CTDSP1: variants seen among roughly 807,000 people sequenced by gnomAD.
The protein encoded by CTDSP1 is carboxy-terminal domain RNA polymerase II polypeptide A small phosphatase 1.
CTDSP1 carries 15 observed loss-of-function variants against 32.5 expected under a neutral mutation model. The observed-to-expected ratio is 0.46, with a 90% CI of 0.31 to 0.71. The LOEUF is 0.71. Among genes scored for constraint, CTDSP1 ranks in the 30% least tolerant of loss-of-function variants. The probability of loss-of-function intolerance (pLI) is 0.05; values close to 1 mark genes in which losing one functional copy is unlikely to be tolerated. For synonymous variants in CTDSP1, 185 were observed against 145.4 expected (o/e 1.27, Z -1.96); for missense variants, 294 against 351.1 (o/e 0.84, Z 1.30).
At chr2:218,401,920 T>G (rs1169058103) in intron 2 of CTDSP1, among the ~76,000 whole-genome samples, 191 bp from the exon 3 acceptor site, 1 of 152,156 alleles carries the variant, frequency 6.6e-6, no homozygotes, top group Non-Finnish European at 1.5e-5. Context: ...CTACCTTGGT[T>G]TTTAGAGAGG....
At chr2:218,400,214 G>T in intron 1 of CTDSP1, 57 bp downstream of exon 1, 1 of 1,474,878 alleles carries the variant, frequency 6.8e-7, no homozygotes, top group African/African-American at 1.4e-5. Context: ...GAGAGAAGGG[G>T]CCGGGATCTT....
At chr2:218,398,650 C>G (rs1462155344), upstream of CTDSP1, 1 of 403,518 alleles carries the variant, frequency 2.5e-6, no homozygotes, top group African/African-American at 2.1e-5. Flanking sequence ...CCGCGTCGCA[C>G]CCGGCGGCCG....
At chr2:218,398,113 C>T (rs1022348641), upstream of CTDSP1, 24 of 443,442 alleles carry the variant, frequency 5.4e-5, no homozygotes, top group African/African-American at 3.1e-4. Context: ...CCACTCAGTC[C>T]CTCGCCACAC....
chr2:218,401,226 G>A (rs1697119151), intron 1 of CTDSP1: 3 of 402,988 alleles, frequency 7.4e-6, no homozygotes, highest in Admixed American at 3.7e-5. Context: ...GTAAGGTGGG[G>A]TCAGGAGGCA....
Position 218,401,691 on chromosome 2 carries a change from G to A in CTDSP1, c.195G>A (p.Glu65=). 1.9e-6 allele frequency: 3 copies of A among 1,595,654 alleles called. No individual in the cohort carries two copies. The highest frequency in any genetic ancestry group is 2.6e-6 in the Non-Finnish European group (3 of 1,170,868). Residue 65 remains glutamate, a synonymous_variant, in exon 2 of 7, where the codon GAG becomes GAA. Transcript: ENST00000273062. The part of the protein sequence containing the change: ...PAHSGAPLLV[E]ENGAIPKQTP... Reference sequence around the variant, plus strand: ...ACAGCGGGGCGCCCCTGCTTGTGGAGGAGAATGGCGCCATCCCTAAGGTGC... The same window carrying A: ...ACAGCGGGGCGCCCCTGCTTGTGGAAGAGAATGGCGCCATCCCTAAGGTGC...
intron 6 of CTDSP1, 86 bp downstream of exon 6, chr2:218,403,503 C>A: frequency 1.5e-6 from 2 of 1,304,042 alleles, no homozygotes; most frequent in Non-Finnish European, 2.1e-6. Context: ...CCTCTTGGAT[C>A]CCCAGTTGGG....
Position 218,402,080 on chromosome 2 carries a change from G to A in CTDSP1, c.217-31G>A, listed in dbSNP as rs1454899010. The A allele has an allele frequency of 3.3e-6, 5 of 1,493,548 alleles. No homozygotes were observed. The East Asian group carries it at 1.1e-4, about 34-fold the overall frequency. The allele number at this position is 1,493,548 out of a possible 1,614,324, so 92.5% of individuals were successfully genotyped here. ...GGAGGAAGGACCAGGCCCGGAGAGA[G>A]GCACCCCAGCCAGCCCCGCCCTCCC... is the stretch of plus-strand genomic sequence containing the variant. On this transcript the variant is annotated intron_variant, in intron 2 of 6. Transcript: ENST00000273062.
rs1697033064 is a variant in CTDSP1 at position 218,400,072 on chromosome 2, GCGGAGCGCGCC to G, written c.-15_-5del. ...GCGCCCGGGCCAGAGTCCGGCCGGA[GCGGAGCGCGCC>G]CGGCCCCATGGACAGCTCGGCCGTC... On this transcript the variant is annotated 5_prime_UTR_variant, in exon 1 of 7. Transcript: ENST00000273062. The G allele has an allele frequency of 7.0e-7, 1 of 1,427,118 alleles. No homozygotes were observed. Among genetic ancestry groups the G allele is most frequent in the Non-Finnish European group, 9.2e-7 (1 of 1,089,042 alleles). The allele number at this position is 1,427,118 out of a possible 1,614,324, so 88.4% of individuals were successfully genotyped here.
At chr2:218,402,976 C>A (rs1697228553) in intron 4 of CTDSP1, 59 bp from the exon 5 acceptor site, 1 of 1,328,996 alleles carries the variant, frequency 7.5e-7, no homozygotes, top group Non-Finnish European at 1.1e-6. Flanking sequence ...CCTGCCAGCC[C>A]TCGGCCACCC....
At position 218,404,532 on chromosome 2, in the gene CTDSP1, T is replaced by C. The variant is rs1697315291; in HGVS notation, c.*107T>C. On this transcript the variant is annotated 3_prime_UTR_variant, in exon 7 of 7. Transcript: ENST00000273062. The stretch of plus-strand genomic sequence containing the variant: ...GAAAACCCATGGGCCGCCGCCACAC[T>C]CAGTGCCATGGGGAAGCGGGCGTCT... 7.0e-7 allele frequency: 1 copy of C among 1,420,942 alleles called. No homozygotes were observed. The highest frequency in any genetic ancestry group is 9.6e-7 in the Non-Finnish European group (1 of 1,039,484). The allele number at this position is 1,420,942 out of a possible 1,614,324, so 88.0% of individuals were successfully genotyped here.
intron 1 of CTDSP1, chr2:218,401,007 G>C: frequency 2.3e-6 from 1 of 443,478 alleles, no homozygotes; most frequent in Admixed American, 2.4e-5. Flanking sequence ...CTGTCAATCA[G>C]GCTGCTGGGC....
intron 6 of CTDSP1, 158 bp downstream of exon 6, chr2:218,403,575 A>G: frequency 1.6e-6 from 1 of 623,956 alleles, no homozygotes; most frequent in East Asian, 2.8e-5. Context: ...CACTCCCCTC[A>G]TCCACCTGCC....
At chr2:218,397,069 G>A (rs1282699326), upstream of CTDSP1, among the ~76,000 whole-genome samples, 1 of 152,168 alleles carries the variant, frequency 6.6e-6, no homozygotes, top group Non-Finnish European at 1.5e-5. Context: ...AGTGCCAGGA[G>A]CATGGGGGCA....
At chr2:218,397,609 G>A (rs1289157010), upstream of CTDSP1, among the ~76,000 whole-genome samples, 1 of 152,168 alleles carries the variant, frequency 6.6e-6, no homozygotes, top group African/African-American at 2.4e-5. Context: ...CCCCGTTTCT[G>A]ACTTGTGGCC....
At position 218,403,284 on chromosome 2, in the gene CTDSP1, G is replaced by A. The variant is rs145171368; in HGVS notation, c.524G>A (p.Arg175Gln). ...LLDKWGAFRA[R>Q]LFRESCVFHR... Reference sequence around the variant, plus strand: ...GACAAATGGGGGGCCTTCCGGGCCCGGCTGTTTCGAGAGTCCTGCGTCTTC... The same window carrying A: ...GACAAATGGGGGGCCTTCCGGGCCCAGCTGTTTCGAGAGTCCTGCGTCTTC... The change falls in exon 6 of 7, where the codon CGG becomes CAG. Residue 175 changes from arginine (R) to glutamine (Q), a missense_variant. Physicochemically the swap from Arg to Gln is conservative, Grantham distance 43 (BLOSUM62 1). This residue lies in a region of CTDSP1 where 146 missense variants were observed against 237.7 expected (regional missense o/e 0.61). Transcript: ENST00000273062. 3.1e-6 allele frequency: 5 copies of A among 1,613,922 alleles called. No individual in the cohort carries two copies. Among genetic ancestry groups the A allele is most frequent in the Non-Finnish European group, 4.2e-6 (5 of 1,179,966 alleles).
chr2:218,402,983 ACCCCCACACTGCCCCACTGGCCCGCAG>A (rs780119781), intron 4 of CTDSP1, 25 bp from the exon 5 acceptor site: 1 of 1,356,610 alleles, frequency 7.4e-7, no homozygotes, highest in South Asian at 1.2e-5. Flanking sequence ...GCCCTCGGCC[ACCCCCACACTGCCCCACTGGCCCGCAG>A]CCCCCTCACT....
chr2:218,400,903 C>G (rs910812174), intron 1 of CTDSP1: 1 of 456,382 alleles, frequency 2.2e-6, no homozygotes. Flanking sequence ...CCCAGGTCTG[C>G]CCACCCTCGC....
intron 1 of CTDSP1, chr2:218,400,630 C>T (rs1367285436): frequency 4.8e-6 from 2 of 416,234 alleles, no homozygotes; most frequent in South Asian, 1.7e-5. Flanking sequence ...TTGGAGGGAT[C>T]TCCCGCCAAC....
chr2:218,400,750 A>C, intron 1 of CTDSP1: 1 of 455,400 alleles, frequency 2.2e-6, no homozygotes, highest in Non-Finnish European at 4.4e-6. Flanking sequence ...GCCCGCGGGG[A>C]GAGTCGTGCG....
Sources: allele counts gnomAD v4.1 joint callset (sites outside exome capture counted in the v4.1 genomes callset), GRCh38; gene constraint gnomAD v4.1.1; regional missense constraint gnomAD v4.1.1; transcripts MANE v1.5; gene names NCBI Gene and HGNC (gene_info 2026-07-23, HGNC 2026-07-21).